KIAA1671: variants seen among roughly 807,000 people sequenced by gnomAD.
The protein encoded by KIAA1671 is KIAA1671.
A neutral mutation model predicts 131.2 loss-of-function variants in KIAA1671; 52 were observed. The ratio of observed to expected loss-of-function variants is 0.40; its 90% confidence interval spans 0.32 to 0.50. The LOEUF is 0.50. Among genes scored for constraint, KIAA1671 ranks in the 20% least tolerant of loss-of-function variants. The pLI, the probability that KIAA1671 is intolerant of heterozygous loss-of-function variation, is 0.73. For missense variants in KIAA1671, 2,360 were observed against 2,364.2 expected, an observed-to-expected ratio of 1.00 and a Z score of 0.04; for synonymous variants, 1,003 against 961.6, an observed-to-expected ratio of 1.04 and a Z score of -0.80.
intron 4 of KIAA1671, among the ~76,000 whole-genome samples, chr22:25,037,994 G>A (rs1411162805): frequency 1.3e-5 from 2 of 151,868 alleles, no homozygotes; most frequent in Non-Finnish European, 1.5e-5. Context: ...CGTGTGCCAC[G>A]ACACCCAGCT....
In KIAA1671 at chr22:25,028,499, C is replaced by T; in HGVS notation, c.500C>T (p.Ala167Val). Residue 167 changes from alanine (A) to valine (V), a missense_variant, in exon 3 of 13, where the codon GCC (alanine) becomes GTC (valine). By Grantham distance (64) the Ala-to-Val change is moderately conservative. This residue lies in a region of KIAA1671 where 1,185 missense variants were observed against 1,126.2 expected (regional missense o/e 1.05). Coordinates refer to ENST00000358431, the MANE Select transcript of KIAA1671 (RefSeq NM_001145206.2). ...GKAVSEGAEE[A>V]KLGVSGSRPE... The stretch of plus-strand genomic sequence containing the variant: ...GCGGTTAGTGAGGGGGCGGAGGAGG[C>T]CAAGCTAGGTGTGTCCGGCTCCCGG... 1.3e-6 allele frequency: 2 copies of T among 1,549,106 alleles called. No individual in the cohort carries two copies. The highest frequency in any genetic ancestry group is 1.7e-4 in the Middle Eastern group (1 of 5,984).
chr22:25,047,295 C>G (rs962473146), intron 5 of KIAA1671, among the ~76,000 whole-genome samples: 2 of 151,408 alleles, frequency 1.3e-5, no homozygotes, highest in Non-Finnish European at 1.5e-5. Flanking sequence ...GGATTACAGG[C>G]ATGTGCCACC....
chr22:25,064,919 A>G (rs1275083358), intron 6 of KIAA1671: 1 of 151,870 alleles, frequency 6.6e-6, no homozygotes, highest in East Asian at 1.9e-4. Context: ...GCCCATGGGG[A>G]GCTCCCAGCC....
intron 5 of KIAA1671, among the ~76,000 whole-genome samples, chr22:25,044,698 C>G (rs892826059): frequency 6.6e-6 from 1 of 152,052 alleles, no homozygotes; most frequent in East Asian, 1.9e-4. Context: ...AAATTTTGAA[C>G]CTTACAGGGG....
At chr22:24,976,303 C>T (rs1361220691) in intron 1 of KIAA1671, among the ~76,000 whole-genome samples, 1 of 152,220 alleles carries the variant, frequency 6.6e-6, no homozygotes, top group African/African-American at 2.4e-5. Context: ...GGAAGCTTTC[C>T]TTTTTAGAGA....
chr22:25,101,583 A>G (rs1930677462), intron 6 of KIAA1671, among the ~76,000 whole-genome samples: 1 of 152,248 alleles, frequency 6.6e-6, no homozygotes, highest in East Asian at 1.9e-4. Flanking sequence ...TGATAAATTA[A>G]CACAAGGAAA....
rs112011540 is a variant in KIAA1671, at chr22:25,017,108, C to T, written c.-207-8525C>T. On this transcript the variant is annotated intron_variant, in intron 1 of 12. Coordinates refer to ENST00000358431, the MANE Select transcript of KIAA1671 (RefSeq NM_001145206.2). ...CTAGAAAGGGGTGGTAATGGCTGGG[C>T]GCGGTGGCTCATGCCTGTAATCCCA... 9.8e-3 allele frequency among the ~76,000 whole-genome samples: 1,493 copies of T among 152,138 alleles called. 31 individuals carry two copies. The highest frequency in any genetic ancestry group is 0.028 in the African/African-American group (1,160 of 41,490).
intron 6 of KIAA1671, among the ~76,000 whole-genome samples, chr22:25,066,470 T>A (rs1021914327): frequency 9.9e-5 from 15 of 152,200 alleles, no homozygotes; most frequent in African/African-American, 3.6e-4. Context: ...TATATGGGCA[T>A]CAGTTCCACT....
At chr22:25,023,463 G>C (rs1925781217) in intron 1 of KIAA1671, 3 of 152,176 alleles carry the variant, frequency 2.0e-5, no homozygotes, top group Admixed American at 6.6e-5. Flanking sequence ...GCTTCAGAAA[G>C]GTTTTCAAAG....
rs950484932 is a variant in KIAA1671, at chr22:25,049,669, C to T, written c.4530+305C>T. ...AAAGTCCTGGGTTCCAATCCCAGCA[C>T]GGTCTCCTGTCAACCTCTTTGAGAT... On this transcript the variant is annotated intron_variant, in intron 6 of 12. Coordinates refer to ENST00000358431, the MANE Select transcript of KIAA1671 (RefSeq NM_001145206.2). 3.5e-4 allele frequency: 104 copies of T among 295,246 alleles called. No individual in the cohort carries two copies. In the Middle Eastern group the frequency reaches 7.8e-3, roughly 22 times the overall value. 18.3% of individuals were successfully genotyped at this position (295,246 alleles called of 1,614,324 possible). A position where few individuals can be genotyped will look rare whatever the true frequency, so the allele number is the denominator to read the frequency against.
At chr22:25,090,003 T>C (rs902160029) in intron 6 of KIAA1671, among the ~76,000 whole-genome samples, 1 of 152,092 alleles carries the variant, frequency 6.6e-6, no homozygotes, top group African/African-American at 2.4e-5. Context: ...AAGAGGGTGG[T>C]GCGCTGTCAG....
In KIAA1671 at chr22:25,132,928, A is replaced by G. The variant is rs112159385; in HGVS notation, c.4531-37892A>G. 1.4e-3 allele frequency among the ~76,000 whole-genome samples: 213 copies of G among 152,102 alleles called. 1 individual carries two copies. Among genetic ancestry groups the G allele is most frequent in the African/African-American group, 4.7e-3 (193 of 41,496 alleles). On this transcript the variant is annotated intron_variant, in intron 6 of 12. Transcript: ENST00000358431. ...AAATTAGCGGGGCGTGGTGGCAGGC[A>G]CCTGTAATCCCAGCAACTTGGGAGG... is the stretch of plus-strand genomic sequence containing the variant.
At chr22:25,148,818 A>G (rs1251173703) in intron 6 of KIAA1671, among the ~76,000 whole-genome samples, 1 of 152,090 alleles carries the variant, frequency 6.6e-6, no homozygotes, top group African/African-American at 2.4e-5. Context: ...GCTCTGGTCT[A>G]CCCTTCAGAG....
At chr22:25,143,454 G>A (rs1317473481) in intron 6 of KIAA1671, among the ~76,000 whole-genome samples, 3 of 152,206 alleles carry the variant, frequency 2.0e-5, no homozygotes, top group Non-Finnish European at 2.9e-5. Flanking sequence ...AAATGAATTC[G>A]TATAAAATAA....
chr22:25,096,292 A>C (rs1930386032), intron 6 of KIAA1671, among the ~76,000 whole-genome samples: 1 of 152,212 alleles, frequency 6.6e-6, no homozygotes, highest in Non-Finnish European at 1.5e-5. Context: ...CACTGGGGTC[A>C]GGGTGGCAGT....
At chr22:24,973,820 A>G (rs1445235344) in intron 1 of KIAA1671, among the ~76,000 whole-genome samples, 7 of 152,216 alleles carry the variant, frequency 4.6e-5, no homozygotes, top group Non-Finnish European at 1.5e-5. Flanking sequence ...TCTGGCACAT[A>G]GTAGGGACAC....
intron 6 of KIAA1671, among the ~76,000 whole-genome samples, chr22:25,069,444 GC>G (rs1928687550): frequency 6.6e-6 from 1 of 152,168 alleles, no homozygotes; most frequent in Admixed American, 6.5e-5. Flanking sequence ...CCCACCTGGT[GC>G]AGCTGGCAGC....
At chr22:25,171,136 A>C (rs1933834006) in intron 7 of KIAA1671, among the ~76,000 whole-genome samples, 198 bp downstream of exon 7, 1 of 152,222 alleles carries the variant, frequency 6.6e-6, no homozygotes, top group African/African-American at 2.4e-5. Context: ...GCGGTGGCTC[A>C]CGTCTGTAAT....
intron 1 of KIAA1671, among the ~76,000 whole-genome samples, chr22:24,981,062 C>CTGTGTGTG (rs35906863): frequency 1.9e-3 from 287 of 148,898 alleles, no homozygotes; most frequent in African/African-American, 3.4e-3. Flanking sequence ...TTGTTATTTT[C>CTGTGTGTG]TGTGTGTGTG....
Sources: allele counts gnomAD v4.1 joint callset (sites outside exome capture counted in the v4.1 genomes callset), GRCh38; gene constraint gnomAD v4.1.1; regional missense constraint gnomAD v4.1.1; transcripts MANE v1.5; gene names NCBI Gene and HGNC (gene_info 2026-07-23, HGNC 2026-07-21).